Variants in ARHGAP10 observed in about 807,000 individuals in gnomAD.
ARHGAP10 encodes Rho GTPase activating protein 10.
ARHGAP10 carries 87 observed loss-of-function variants against 108.6 expected under a neutral mutation model. The observed-to-expected ratio is 0.80, with a 90% confidence interval of 0.67 to 0.96. ARHGAP10 has a LOEUF of 0.96. ARHGAP10 is among the 40% of genes least tolerant of loss of function. The pLI is 0.00. For synonymous variants in ARHGAP10, 347 were observed against 341.1 expected (o/e 1.02, Z -0.19); for missense variants, 939 against 954.5 (o/e 0.98, Z 0.21).
At chr4:147,965,299 C>G (rs1739164190) in intron 17 of ARHGAP10, among the ~76,000 whole-genome samples, 170 bp downstream of exon 17, 1 of 152,104 alleles carries the variant, frequency 6.6e-6, no homozygotes, top group Non-Finnish European at 1.5e-5. Flanking sequence ...TTTCATGAAG[C>G]TGTATAATTA....
intron 7 of ARHGAP10, among the ~76,000 whole-genome samples, chr4:147,870,789 A>G (rs1179574928): frequency 4.6e-5 from 7 of 152,210 alleles, no homozygotes; most frequent in African/African-American, 7.2e-5. Flanking sequence ...TCTTCCTGGA[A>G]GGAAATACAG....
intron 4 of ARHGAP10, among the ~76,000 whole-genome samples, chr4:147,851,006 G>C (rs543128917): frequency 1.3e-5 from 2 of 152,224 alleles, no homozygotes; most frequent in Middle Eastern, 6.8e-3. Flanking sequence ...TTGGACATTT[G>C]ACCAAGTAAT....
chr4:147,736,324 A>T (rs1578981591), intron 1 of ARHGAP10, among the ~76,000 whole-genome samples: 1 of 152,224 alleles, frequency 6.6e-6, no homozygotes, highest in Non-Finnish European at 1.5e-5. Flanking sequence ...CCTCTTAGGA[A>T]AAACATAAAA....
chr4:147,783,061 A>G (rs968651746), intron 1 of ARHGAP10, among the ~76,000 whole-genome samples: 27 of 142,368 alleles, frequency 1.9e-4, no homozygotes, highest in African/African-American at 6.3e-4. Context: ...GTTAAATTAT[A>G]TATATTATAT....
chr4:148,049,630 TTGTCCG>T (rs1215852770), intron 20 of ARHGAP10, among the ~76,000 whole-genome samples: 1 of 152,090 alleles, frequency 6.6e-6, no homozygotes, highest in Non-Finnish European at 1.5e-5. Flanking sequence ...AAGAGATTCC[TTGTCCG>T]TATTTCTGCT....
intron 20 of ARHGAP10, among the ~76,000 whole-genome samples, chr4:148,052,002 C>A (rs372810702): frequency 6.6e-6 from 1 of 152,106 alleles, no homozygotes; most frequent in Non-Finnish European, 1.5e-5. Flanking sequence ...TTCAGGAAGT[C>A]AATAAATTTT....
chr4:147,803,975 T>C (rs1731678592), intron 1 of ARHGAP10, among the ~76,000 whole-genome samples: 1 of 151,892 alleles, frequency 6.6e-6, no homozygotes, highest in Non-Finnish European at 1.5e-5. Flanking sequence ...TGCTGGATCA[T>C]ATGGTAGTTG....
At chr4:147,867,461 G>A (rs1734611806) in intron 7 of ARHGAP10, among the ~76,000 whole-genome samples, 1 of 152,178 alleles carries the variant, frequency 6.6e-6, no homozygotes, top group African/African-American at 2.4e-5. Flanking sequence ...GTCTCATTAG[G>A]AATGTAGTGA....
intron 13 of ARHGAP10, among the ~76,000 whole-genome samples, chr4:147,938,485 A>G (rs1238462640): frequency 6.6e-6 from 1 of 152,232 alleles, no homozygotes; most frequent in Non-Finnish European, 1.5e-5. Flanking sequence ...TACAATCTGT[A>G]GGACATGTGT....
At chr4:147,784,815 TAAAA>T (rs1730795680) in intron 1 of ARHGAP10, among the ~76,000 whole-genome samples, 1 of 17,598 alleles carries the variant, frequency 5.7e-5, no homozygotes, top group Non-Finnish European at 1.8e-4. Flanking sequence ...TAATATATTA[TAAAA>T]TATATATTAT....
intron 3 of ARHGAP10, among the ~76,000 whole-genome samples, chr4:147,832,615 C>T (rs2126799178): frequency 8.8e-6 from 1 of 113,270 alleles, no homozygotes; most frequent in East Asian, 3.0e-4. Flanking sequence ...CCACTGCACT[C>T]CAGCCTGGGT....
chr4:147,846,562 T>C (rs983632631), intron 3 of ARHGAP10, among the ~76,000 whole-genome samples: 4 of 152,164 alleles, frequency 2.6e-5, no homozygotes, highest in African/African-American at 9.7e-5. Context: ...CTGGAGTTTG[T>C]GTGTGTGGCT....
chr4:147,760,384 A>G (rs1257415923), intron 1 of ARHGAP10, among the ~76,000 whole-genome samples: 1 of 152,220 alleles, frequency 6.6e-6, no homozygotes, highest in Non-Finnish European at 1.5e-5. Context: ...GTCCAGATTT[A>G]TCAGGTTTCT....
intron 1 of ARHGAP10, among the ~76,000 whole-genome samples, chr4:147,761,240 C>T (rs983199955): frequency 1.3e-5 from 2 of 152,112 alleles, no homozygotes; most frequent in African/African-American, 4.8e-5. Context: ...TGGTCTTGAA[C>T]TCCTGGCCCC....
chr4:147,909,788 A>AT lies in ARHGAP10; in HGVS notation c.1162+14dup, dbSNP rs756481090. 1.9e-6 allele frequency: 3 copies of AT among 1,600,298 alleles called. No homozygotes were observed. The highest frequency in any genetic ancestry group is 2.6e-6 in the Non-Finnish European group (3 of 1,167,632). On this transcript the variant is annotated intron_variant, in intron 12 of 22. Coordinates refer to ENST00000336498, the MANE Select transcript of ARHGAP10 (RefSeq NM_024605.4). ...CAAGACCAGAAGGAAGTAAGTGCTCATTTATAAAAATGATTGTATCCTCCT... is the reference window on the plus strand; with the variant it reads ...CAAGACCAGAAGGAAGTAAGTGCTCATTTTATAAAAATGATTGTATCCTCCT...
At chr4:148,030,785 CT>C (rs778997666) in intron 19 of ARHGAP10, among the ~76,000 whole-genome samples, 13 of 152,078 alleles carry the variant, frequency 8.5e-5, no homozygotes, top group Non-Finnish European at 7.4e-5. Flanking sequence ...CTGGTTCCCT[CT>C]GCATGCTCAT....
intron 18 of ARHGAP10, among the ~76,000 whole-genome samples, chr4:147,970,952 G>A (rs1047353885): frequency 1.3e-5 from 2 of 152,052 alleles, no homozygotes; most frequent in Non-Finnish European, 2.9e-5. Context: ...AATTAGCCAG[G>A]CGTGGTGGCG....
At chr4:147,757,307 G>A (rs1729418248) in intron 1 of ARHGAP10, among the ~76,000 whole-genome samples, 1 of 149,458 alleles carries the variant, frequency 6.7e-6, no homozygotes, top group East Asian at 2.0e-4. Flanking sequence ...CAATTCCCCT[G>A]CCTCAGCCTC....
intron 15 of ARHGAP10, among the ~76,000 whole-genome samples, chr4:147,947,780 A>C (rs1273129919): frequency 1.3e-5 from 2 of 152,154 alleles, no homozygotes; most frequent in Admixed American, 6.5e-5. Flanking sequence ...GATACATTCG[A>C]ATCAACTTAT....
Sources: gnomAD v4.1 joint callset for allele counts (sites outside exome capture counted in the v4.1 genomes callset) on GRCh38, gnomAD v4.1.1 for gene constraint, MANE v1.5 for transcripts, NCBI Gene and HGNC (gene_info 2026-07-23, HGNC 2026-07-21) for gene names.